SRGAP1: variants seen among roughly 807,000 people sequenced by gnomAD.
The protein encoded by SRGAP1 is SLIT-ROBO Rho GTPase activating protein 1.
In SRGAP1, 43 loss-of-function variants were observed where a neutral mutation model predicts 121.9. That is an observed-to-expected ratio of 0.35 (90% CI 0.28 to 0.46). The LOEUF (loss-of-function observed/expected upper bound fraction) is 0.46. SRGAP1 is among the 20% of genes least tolerant of loss of function. SRGAP1 has a pLI of 1.00. For missense variants in SRGAP1, 1,102 were observed against 1,350.9 expected, an observed-to-expected ratio of 0.82 and a Z score of 2.89; for synonymous variants, 447 against 485.4, an observed-to-expected ratio of 0.92 and a Z score of 1.04.
At chr12:64,030,304 A>C (rs1475966216) in intron 4 of SRGAP1, among the ~76,000 whole-genome samples, 1 of 152,240 alleles carries the variant, frequency 6.6e-6, no homozygotes, top group Non-Finnish European at 1.5e-5. Flanking sequence ...ATGTTGATCA[A>C]GAGTTCCTTA....
At chr12:63,893,663 C>T (rs937345097) in intron 1 of SRGAP1, among the ~76,000 whole-genome samples, 1 of 152,108 alleles carries the variant, frequency 6.6e-6, no homozygotes, top group Non-Finnish European at 1.5e-5. Context: ...CCCAAAGTCC[C>T]TCTCTGACTG....
chr12:64,083,263 T>C (rs184194459), intron 10 of SRGAP1, among the ~76,000 whole-genome samples: 2 of 152,302 alleles, frequency 1.3e-5, no homozygotes, highest in Non-Finnish European at 2.9e-5. Context: ...ACTTTTTATA[T>C]AGAAATCACC....
chr12:63,909,130 C>T (rs1402700127), intron 1 of SRGAP1, among the ~76,000 whole-genome samples: 1 of 152,134 alleles, frequency 6.6e-6, no homozygotes, highest in Admixed American at 6.5e-5. Flanking sequence ...CCTCGTGATC[C>T]ACTCGCCTCA....
chr12:63,967,517 C>G (rs2032823431), intron 1 of SRGAP1, among the ~76,000 whole-genome samples: 1 of 152,174 alleles, frequency 6.6e-6, no homozygotes. Flanking sequence ...TTTTGTTGAA[C>G]CAGTGGACGA....
In SRGAP1 at chr12:63,985,516, T is replaced by C. The variant is rs577421203; in HGVS notation, c.263+1374T>C. Among the ~76,000 whole-genome samples, 12 of 152,296 alleles carry C rather than the reference T, an allele frequency of 7.9e-5. No individual in the cohort carries two copies. The East Asian group carries it at 2.3e-3, about 29-fold the overall frequency. ...GTAAAAAGACAGTGCAGGCTTTCAT[T>C]TCTGTAAATACAGCAGGCCAGATCA... is the stretch of plus-strand genomic sequence containing the variant. On this transcript the variant is annotated intron_variant, in intron 2 of 21. Coordinates refer to ENST00000355086, the MANE Select transcript of SRGAP1 (RefSeq NM_020762.4).
At chr12:63,930,349 A>G (rs901916289) in intron 1 of SRGAP1, among the ~76,000 whole-genome samples, 2 of 151,234 alleles carry the variant, frequency 1.3e-5, no homozygotes, top group East Asian at 1.9e-4. Context: ...AAAAAAAAAA[A>G]AAAGGGGAGC....
In SRGAP1 at chr12:64,138,046, A is replaced by G. The variant is rs369813336; in HGVS notation, c.2881-4249A>G. Among the ~76,000 whole-genome samples, 5 of 151,742 alleles carry G rather than the reference A, an allele frequency of 3.3e-5. No homozygotes were observed. In the East Asian group the frequency reaches 7.7e-4, roughly 23 times the overall value. On this transcript the variant is annotated intron_variant, in intron 21 of 21. Coordinates refer to ENST00000355086, the MANE Select transcript of SRGAP1 (RefSeq NM_020762.4). ...GTATAGTTCAGAAAAGTATATTCACATTGTTGTGAAACATCTCTCCAGACT... is the reference window on the plus strand; with the variant it reads ...GTATAGTTCAGAAAAGTATATTCACGTTGTTGTGAAACATCTCTCCAGACT...
intron 1 of SRGAP1, among the ~76,000 whole-genome samples, chr12:63,875,734 C>T (rs1292264166): frequency 6.6e-6 from 1 of 152,138 alleles, no homozygotes; most frequent in Non-Finnish European, 1.5e-5. Context: ...ATATGAAAAT[C>T]CGTAATTCTT....
intron 1 of SRGAP1, among the ~76,000 whole-genome samples, chr12:63,906,691 A>G (rs527615191): frequency 2.1e-4 from 32 of 152,278 alleles, no homozygotes; most frequent in Admixed American, 2.0e-3. Flanking sequence ...TGGGTTAACA[A>G]TTGTTACCAA....
At position 64,000,653 on chromosome 12, in the gene SRGAP1, A is replaced by G. The variant is rs556130807; in HGVS notation, c.426+10581A>G. Among the ~76,000 whole-genome samples the G allele has an allele frequency of 8.5e-5, 13 of 152,314 alleles. No homozygotes were observed. In the East Asian group the frequency reaches 2.3e-3, roughly 27 times the overall value. ...AATATGTTGAGGAAAAGGAGCCACA[A>G]AAAGGGAAGCTTGACATGTTAGGAG... On this transcript the variant is annotated intron_variant, in intron 3 of 21. Transcript: ENST00000355086.
At chr12:63,927,566 C>A (rs2031306933) in intron 1 of SRGAP1, among the ~76,000 whole-genome samples, 2 of 152,182 alleles carry the variant, frequency 1.3e-5, no homozygotes, top group East Asian at 3.9e-4. Context: ...TTTCACACTT[C>A]TCTTTTGTTC....
chr12:64,112,015 C>A, intron 17 of SRGAP1, 29 bp downstream of exon 17: 1 of 1,555,992 alleles, frequency 6.4e-7, no homozygotes, highest in Admixed American at 1.7e-5. Context: ...GTCCTCCTCT[C>A]CCACCGAAAA....
At chr12:64,011,005 T>C (rs1203363227) in intron 3 of SRGAP1, among the ~76,000 whole-genome samples, 1 of 151,630 alleles carries the variant, frequency 6.6e-6, no homozygotes, top group Non-Finnish European at 1.5e-5. Context: ...TTTTACAGAG[T>C]TACATGTAGG....
chr12:64,118,621 T>A (rs2036558983), intron 18 of SRGAP1, among the ~76,000 whole-genome samples: 1 of 152,166 alleles, frequency 6.6e-6, no homozygotes, highest in South Asian at 2.1e-4. Flanking sequence ...TAACCTCATA[T>A]GTGGTTTTGA....
chr12:63,861,088 T>G (rs1318950380), intron 1 of SRGAP1, among the ~76,000 whole-genome samples: 1 of 151,490 alleles, frequency 6.6e-6, no homozygotes, highest in Non-Finnish European at 1.5e-5. Flanking sequence ...AGTTTTTTAT[T>G]TAATTTCTCA....
chr12:64,080,045 C>T (rs2035808599), intron 9 of SRGAP1, among the ~76,000 whole-genome samples: 1 of 152,098 alleles, frequency 6.6e-6, no homozygotes, highest in Admixed American at 6.5e-5. Context: ...GAGTTCAAGA[C>T]AAGCCTGGCC....
chr12:63,848,333 G>T (rs987650793), intron 1 of SRGAP1, among the ~76,000 whole-genome samples: 3 of 152,058 alleles, frequency 2.0e-5, no homozygotes, highest in African/African-American at 7.2e-5. Flanking sequence ...TTTTGCCACT[G>T]TGGCTGCCTG....
rs755878110 is a variant in SRGAP1, at chr12:63,844,789, T to C, written c.-28T>C. 6.2e-7 allele frequency: 1 copy of C among 1,613,458 alleles called. No homozygotes were observed. Among genetic ancestry groups the C allele is most frequent in the African/African-American group, 1.3e-5 (1 of 74,850 alleles). ...GTGACCACTGAACAAAACTTGCCCA[T>C]TGAAAGCAAACCCGGAACAGCTGGA... On this transcript the variant is annotated 5_prime_UTR_variant, in exon 1 of 22. Coordinates refer to ENST00000355086, the MANE Select transcript of SRGAP1 (RefSeq NM_020762.4). The surrounding 1 kb of genome is among the most constrained non-coding windows in gnomAD (Gnocchi z 4.3).
chr12:64,096,091 T>C (rs1462538843), intron 14 of SRGAP1, among the ~76,000 whole-genome samples: 3 of 152,164 alleles, frequency 2.0e-5, no homozygotes, highest in Non-Finnish European at 2.9e-5. Context: ...TCTCATGCAT[T>C]GGCCATCTTC....
Sources: gnomAD v4.1 joint callset for allele counts (sites outside exome capture counted in the v4.1 genomes callset) on GRCh38, gnomAD v4.1.1 for gene constraint, Gnocchi (gnomAD v3.1) non-coding constraint, MANE v1.5 for transcripts, NCBI Gene and HGNC (gene_info 2026-07-23, HGNC 2026-07-21) for gene names.